Variants in ABLIM1 observed in about 807,000 individuals in gnomAD.
ABLIM1 encodes the protein actin binding LIM protein 1, also known as actin-binding LIM protein 1.
Under a neutral mutation model 107.0 loss-of-function variants are expected in ABLIM1, and 40 were observed. The ratio of observed to expected loss-of-function variants is 0.37; its 90% CI spans 0.29 to 0.49. ABLIM1 has a LOEUF of 0.49. Ranked by LOEUF, ABLIM1 falls within the 20% of genes least tolerant of loss-of-function variation. The pLI is 0.97. For missense variants in ABLIM1, 857 were observed against 1,008.5 expected, an observed-to-expected ratio of 0.85 and a Z score of 2.04; for synonymous variants, 357 against 357.3, an observed-to-expected ratio of 1.00 and a Z score of 0.01.
In ABLIM1 at chr10:114,575,453, T is replaced by A. The variant is rs1309728716; in HGVS notation, c.526A>T (p.Thr176Ser). The A allele has an allele frequency of 6.2e-7, 1 of 1,613,992 alleles. No homozygotes were observed. Among genetic ancestry groups the A allele is most frequent in the Non-Finnish European group, 8.5e-7 (1 of 1,180,022 alleles). The change falls in exon 3 of 23, where the codon ACC becomes TCC. Residue 176 changes from threonine (T) to serine (S), a missense_variant. Transcript: ENST00000533213. Reference sequence around the variant, plus strand: ...CAAGCAAAGCAATTGGGATGGTAGGTCTTGCCCAGAGCAGTCACCACTTCG... The same window carrying A: ...CAAGCAAAGCAATTGGGATGGTAGGACTTGCCCAGAGCAGTCACCACTTCG... ...EGEVVTALGKTYHPNCFACTI... is the reference protein window; with the variant it reads ...EGEVVTALGKSYHPNCFACTI...
the ABLIM1 span, among the ~76,000 whole-genome samples, chr10:114,791,366 C>T: frequency 4.7e-3 from 712 of 151,946 alleles, 10 homozygotes; most frequent in African/African-American, 0.016. Context: ...TGGCAGGGCG[C>T]GGTGGCTCAT....
In ABLIM1 at chr10:114,559,391, C is replaced by T. The variant is rs190911206; in HGVS notation, c.674-11615G>A. 1.3e-4 allele frequency among the ~76,000 whole-genome samples: 17 copies of T among 131,098 alleles called. No homozygotes were observed. In the East Asian group the frequency reaches 3.6e-3, roughly 28 times the overall value. The allele number at this position is 131,098 out of a possible 152,430, so 86.0% of individuals were successfully genotyped here. On this transcript the variant is annotated intron_variant, in intron 4 of 22. Coordinates refer to ENST00000533213, the MANE Select transcript of ABLIM1 (RefSeq NM_002313.7). ...GCTGAGGTGGGAGGATTACTTGAGC[C>T]CAGGAGTTTGAGACCAGCTTGGACA...
In ABLIM1 at chr10:114,547,551, G is replaced by A. The variant is rs984418445; in HGVS notation, c.800+99C>T. ...TGATGGCAGGATGTGAACAATTTCA[G>A]CACCATTGATGGGGTGGGGCCCCTG... is the stretch of plus-strand genomic sequence containing the variant. On this transcript the variant is annotated intron_variant, in intron 5 of 22. Transcript: ENST00000533213. The A allele has an allele frequency of 4.1e-6, 6 of 1,472,894 alleles. No individual in the cohort carries two copies. The Admixed American group carries it at 1.1e-4, about 26-fold the overall frequency. The allele number at this position is 1,472,894 out of a possible 1,614,324, so 91.2% of individuals were successfully genotyped here.
In ABLIM1 at chr10:114,585,943, T is replaced by C. The variant is rs41415348; in HGVS notation, c.380-10344A>G. Among the ~76,000 whole-genome samples, 356 of 152,334 alleles carry C rather than the reference T, an allele frequency of 2.3e-3. 3 individuals carry two copies. The highest frequency in any genetic ancestry group is 8.3e-3 in the African/African-American group (346 of 41,576). On this transcript the variant is annotated intron_variant, in intron 2 of 22. Transcript: ENST00000533213. ...GAAGGCAAAGACCACTTCTTATGCTTTATGTCTTCCACAATACTTACAGAG... is the reference window on the plus strand; with the variant it reads ...GAAGGCAAAGACCACTTCTTATGCTCTATGTCTTCCACAATACTTACAGAG...
chr10:114,529,598 G>A (rs558878704), intron 6 of ABLIM1, among the ~76,000 whole-genome samples: 14 of 152,196 alleles, frequency 9.2e-5, no homozygotes, highest in African/African-American at 1.4e-4. Flanking sequence ...GAAGAACGCC[G>A]TGTGGAGTCA....
intron 1 of ABLIM1, among the ~76,000 whole-genome samples, chr10:114,607,868 A>G (rs1379582390): frequency 6.6e-6 from 1 of 152,224 alleles, no homozygotes; most frequent in Non-Finnish European, 1.5e-5. Flanking sequence ...AGAACAGAGA[A>G]AGAACATTAG....
chr10:114,529,239 C>T (rs912731403), intron 6 of ABLIM1, among the ~76,000 whole-genome samples: 1 of 151,958 alleles, frequency 6.6e-6, no homozygotes. Flanking sequence ...ATTCTCCTGC[C>T]TCAGCCTCCC....
chr10:114,635,311 G>T (rs968492206), intron 1 of ABLIM1, among the ~76,000 whole-genome samples: 1 of 152,200 alleles, frequency 6.6e-6, no homozygotes. Flanking sequence ...AAATTCAAGC[G>T]TACATCATTT....
At chr10:114,658,423 G>A (rs1030187624), upstream of ABLIM1, 10 of 668,082 alleles carry the variant, frequency 1.5e-5, no homozygotes, top group South Asian at 1.3e-4. Flanking sequence ...CCAGGAACTC[G>A]AGACTTTCAG....
chr10:114,475,693 G>T (rs57713663), intron 8 of ABLIM1, among the ~76,000 whole-genome samples: 3,689 of 152,274 alleles, frequency 0.024, 160 homozygotes, highest in African/African-American at 0.085. Flanking sequence ...TGGGAAGGAT[G>T]AAAGAAACTG....
At chr10:114,598,071 A>C (rs937957589) in intron 2 of ABLIM1, among the ~76,000 whole-genome samples, 5 of 152,128 alleles carry the variant, frequency 3.3e-5, no homozygotes, top group Non-Finnish European at 4.4e-5. Flanking sequence ...CAAGAGTTCA[A>C]GACCAGCCTG....
intron 4 of ABLIM1, among the ~76,000 whole-genome samples, chr10:114,559,467 G>T (rs2483551): frequency 8.2e-6 from 1 of 122,652 alleles, no homozygotes; most frequent in East Asian, 2.3e-4. Flanking sequence ...AAAAAAGAAA[G>T]AAAGAAAAAA....
Position 114,704,335 on chromosome 10 carries a change from T to TATCTATCTCACG in ABLIM1, c.-213+63725_-213+63726insCGTGAGATAGAT, listed in dbSNP as rs3061769. The stretch of plus-strand genomic sequence containing the variant: ...ATATATATATATATATATATATATA[T>TATCTATCTCACG]TGCGCGCGTTACATCTGTGAGGTAT... On this transcript the variant is annotated intron_variant, in intron 1 of 15. Coordinates refer to the ABLIM1 transcript ENST00000651092. 4.8e-5 allele frequency among the ~76,000 whole-genome samples: 4 copies of TATCTATCTCACG among 83,388 alleles called. 1 individual carries two copies. The highest frequency in any genetic ancestry group is 1.0e-4 in the Non-Finnish European group (4 of 39,472). 54.7% of individuals were successfully genotyped at this position (83,388 alleles called of 152,430 possible). A position where few individuals can be genotyped will look rare whatever the true frequency, so the allele number is the denominator to read the frequency against.
chr10:114,541,997 A>T (rs1258012894), intron 6 of ABLIM1, among the ~76,000 whole-genome samples: 2 of 152,054 alleles, frequency 1.3e-5, no homozygotes, highest in African/African-American at 2.4e-5. Flanking sequence ...ACAGCTCCAC[A>T]TGTGGACTAA....
At chr10:114,583,705 C>T (rs952672337) in intron 2 of ABLIM1, among the ~76,000 whole-genome samples, 1 of 151,668 alleles carries the variant, frequency 6.6e-6, no homozygotes, top group African/African-American at 2.4e-5. Flanking sequence ...ACAGTAAAGA[C>T]ACGGAATCCA....
At chr10:114,552,717 T>C (rs1392208833) in intron 4 of ABLIM1, among the ~76,000 whole-genome samples, 1 of 152,204 alleles carries the variant, frequency 6.6e-6, no homozygotes, top group East Asian at 1.9e-4. Flanking sequence ...ATTTTATTTG[T>C]TTATTTATAT....
chr10:114,697,955 A>G (rs1202907448), intron 1 of ABLIM1, among the ~76,000 whole-genome samples: 2 of 152,192 alleles, frequency 1.3e-5, no homozygotes, highest in Non-Finnish European at 2.9e-5. Flanking sequence ...GTGGTTGCAA[A>G]CTAATACAAC....
chr10:114,436,472 G>T, intron 22 of ABLIM1, 99 bp from the exon 23 acceptor site: 1 of 884,386 alleles, frequency 1.1e-6, no homozygotes, highest in Non-Finnish European at 1.8e-6. Flanking sequence ...TCATTCTGAA[G>T]AACAAGGCAG....
At chr10:114,605,468 G>C (rs1318320248) in intron 1 of ABLIM1, among the ~76,000 whole-genome samples, 1 of 152,158 alleles carries the variant, frequency 6.6e-6, no homozygotes, top group Non-Finnish European at 1.5e-5. Context: ...TAGGGAAACT[G>C]AGGAGCAAAG....
Sources: allele counts gnomAD v4.1 joint callset (sites outside exome capture counted in the v4.1 genomes callset), GRCh38; gene constraint gnomAD v4.1.1; transcripts MANE v1.5; gene names NCBI Gene and HGNC (gene_info 2026-07-23, HGNC 2026-07-21).